Variants in PDE4DIP observed in about 807,000 individuals in gnomAD.
The protein encoded by PDE4DIP is phosphodiesterase 4D interacting protein.
PDE4DIP carries 59 observed loss-of-function variants against 221.4 expected under a neutral mutation model. The observed-to-expected ratio is 0.27, with a 90% CI of 0.22 to 0.33. The LOEUF (loss-of-function observed/expected upper bound fraction) is 0.33. Among genes scored for constraint, PDE4DIP ranks in the 10% least tolerant of loss-of-function variants. The pLI is 1.00. For missense variants in PDE4DIP, 1,036 were observed against 2,154.2 expected, an observed-to-expected ratio of 0.48 and a Z score of 10.28; for synonymous variants, 404 against 815.9, an observed-to-expected ratio of 0.50 and a Z score of 8.60.
intron 37 of PDE4DIP, chr1:149,021,731 C>T (rs1439882891): frequency 6.8e-6 from 1 of 146,764 alleles, no homozygotes; most frequent in Non-Finnish European, 1.5e-5. Context: ...GACCAGCCTG[C>T]CCACAGGAGA....
At chr1:149,001,796 A>G in exon 24 of PDE4DIP, 1 of 1,453,622 alleles carries the variant, frequency 6.9e-7, no homozygotes. Flanking sequence ...TGCCCACAAT[A>G]TCATCAACCT....
exon 21 of PDE4DIP, chr1:148,981,372 G>C (rs1553542887): frequency 1.2e-6 from 2 of 1,614,062 alleles, no homozygotes; most frequent in African/African-American, 2.7e-5. Flanking sequence ...GCTTAAACAG[G>C]CTGGAGACCC....
intron 17 of PDE4DIP, among the ~76,000 whole-genome samples, chr1:148,976,024 A>G (rs1230302597): frequency 1.3e-5 from 2 of 151,558 alleles, no homozygotes; most frequent in African/African-American, 4.8e-5. Context: ...TACCAGTTTT[A>G]AAAATCCCCT....
At position 149,032,216 on chromosome 1, in the gene PDE4DIP, A is replaced by C. The variant is rs200393198; in HGVS notation, c.*231A>C. ...GACGGCTATGGAATACGATTAGCCA[A>C]GGTCCACTTGGCCCAGCACTAAGAA... On this transcript the variant is annotated 3_prime_UTR_variant, in exon 44 of 44. Transcript: ENST00000369354. The C allele has an allele frequency of 1.3e-3, 972 of 725,190 alleles. 15 individuals carry two copies. In the East Asian group the frequency reaches 0.024, roughly 18 times the overall value. 44.9% of individuals were successfully genotyped at this position (725,190 alleles called of 1,614,324 possible). A position where few individuals can be genotyped will look rare whatever the true frequency, so the allele number is the denominator to read the frequency against.
At chr1:148,963,748 C>G (rs1400413239) in intron 9 of PDE4DIP, among the ~76,000 whole-genome samples, 1 of 89,098 alleles carries the variant, frequency 1.1e-5, no homozygotes, top group Non-Finnish European at 2.1e-5. Flanking sequence ...TTCTTTCCTT[C>G]TTTTTTTTTT....
At position 149,021,326 on chromosome 1, in the gene PDE4DIP, G is replaced by T; in HGVS notation, c.6085+173G>T. 6.6e-6 allele frequency: 4 copies of T among 606,316 alleles called. No individual in the cohort carries two copies. In the South Asian group the frequency reaches 1.0e-4, roughly 15 times the overall value. The allele number at this position is 606,316 out of a possible 1,614,324, so 37.6% of individuals were successfully genotyped here. A position where few individuals can be genotyped will look rare whatever the true frequency, so the allele number is the denominator to read the frequency against. ...AGCTCTCAAACACAAAGCCCAACGG[G>T]ACAGGTTGGTGGCACGAGCAAGATC... On this transcript the variant is annotated intron_variant, in intron 37 of 43. Coordinates refer to ENST00000369354, the Ensembl canonical transcript of PDE4DIP.
exon 31 of PDE4DIP, chr1:149,010,595 G>A (rs1294087486): frequency 2.5e-6 from 4 of 1,613,490 alleles, no homozygotes; most frequent in African/African-American, 1.3e-5. Flanking sequence ...GGCCCATTCA[G>A]GTATGCAACA....
intron 41 of PDE4DIP, among the ~76,000 whole-genome samples, chr1:149,029,217 G>A (rs1428017697): frequency 1.3e-5 from 2 of 152,196 alleles, no homozygotes; most frequent in Non-Finnish European, 2.9e-5. Context: ...GATCTGCTCA[G>A]AGCTCAGGCT....
chr1:148,992,354 G>A lies in PDE4DIP; in HGVS notation c.2904+381G>A, dbSNP rs587609491. 437 of 1,543,776 alleles carry A rather than the reference G, an allele frequency of 2.8e-4. 1 individual carries two copies. The African/African-American group carries it at 5.1e-3, about 18-fold the overall frequency. On this transcript the variant is annotated intron_variant, in intron 22 of 43. Transcript: ENST00000369354. ...CCACAGAAGACAGGGAGTCATCGAAGGGCTGCTCGGGGAGGTGGCAGGGCG... is the reference window on the plus strand; with the variant it reads ...CCACAGAAGACAGGGAGTCATCGAAAGGCTGCTCGGGGAGGTGGCAGGGCG...
intron 5 of PDE4DIP, among the ~76,000 whole-genome samples, chr1:148,950,751 C>A (rs587657249): frequency 1.8e-4 from 28 of 151,502 alleles, no homozygotes; most frequent in Middle Eastern, 6.8e-3. Context: ...CTGCCCCCCC[C>A]ACCGCCCCAA....
chr1:148,994,695 A>C (rs1282839061), intron 22 of PDE4DIP, among the ~76,000 whole-genome samples: 13 of 151,834 alleles, frequency 8.6e-5, no homozygotes, highest in African/African-American at 3.1e-4. Context: ...ATTTACTCTT[A>C]TTTTGAAATA....
rs782199862 is a variant in PDE4DIP at position 149,028,660 on chromosome 1, C to T, written c.6770C>T (p.Ala2257Val). The T allele has an allele frequency of 6.6e-5, 106 of 1,600,106 alleles. 2 individuals carry two copies. The highest frequency in any genetic ancestry group is 2.3e-4 in the Middle Eastern group (1 of 4,390). ...TCCCTCCTCACCATGTTCTGGAGAG[C>T]GGCCCTGCCAAGCACCCACATCCCT... Residue 2257 changes from alanine to valine, a missense_variant, in exon 41 of 44, where the codon GCG becomes GTG. Ala to Val is a moderately conservative substitution (Grantham distance 64). Transcript: ENST00000369354.
intron 41 of PDE4DIP, among the ~76,000 whole-genome samples, chr1:149,029,047 T>G (rs1231470430): frequency 3.9e-5 from 6 of 152,202 alleles, no homozygotes; most frequent in African/African-American, 1.4e-4. Flanking sequence ...GAAATTCAGT[T>G]AAAGCTTCAG....
At chr1:149,028,341 A>AG (rs1415205312) in intron 40 of PDE4DIP, among the ~76,000 whole-genome samples, 2 of 148,652 alleles carry the variant, frequency 1.3e-5, no homozygotes, top group African/African-American at 2.5e-5. Flanking sequence ...GGACATAGCA[A>AG]GGGGGGTGAG....
chr1:148,978,021 A>G (rs782061232), exon 18 of PDE4DIP: 2 of 1,614,048 alleles, frequency 1.2e-6, no homozygotes, highest in Non-Finnish European at 8.5e-7. Context: ...GTCTCTGACC[A>G]GGAACATACA....
chr1:149,013,335 C>T (rs1171959035), intron 32 of PDE4DIP, among the ~76,000 whole-genome samples: 16 of 119,864 alleles, frequency 1.3e-4, no homozygotes, highest in African/African-American at 4.6e-4. Context: ...ACAGGTGACA[C>T]GTAGGCAGCT....
intron 35 of PDE4DIP, chr1:149,019,479 T>A (rs1553615587): frequency 6.6e-6 from 1 of 152,048 alleles, no homozygotes; most frequent in African/African-American, 2.4e-5. Flanking sequence ...AATTAATTGA[T>A]TTCTGTATTA....
At chr1:148,983,964 A>G (rs868980220) in intron 21 of PDE4DIP, 4 of 152,114 alleles carry the variant, frequency 2.6e-5, no homozygotes, top group African/African-American at 9.6e-5. Context: ...AGTTCAGGGT[A>G]GATGAAGTCT....
At chr1:148,963,840 G>A (rs1160820795) in intron 9 of PDE4DIP, among the ~76,000 whole-genome samples, 4 of 117,436 alleles carry the variant, frequency 3.4e-5, no homozygotes, top group Non-Finnish European at 6.5e-5. Context: ...TGCAAGCTCC[G>A]CCTCTCGGGT....
Sources: gnomAD v4.1 joint callset for allele counts (sites outside exome capture counted in the v4.1 genomes callset) on GRCh38, gnomAD v4.1.1 for gene constraint, MANE v1.5 for transcripts, NCBI Gene and HGNC (gene_info 2026-07-23, HGNC 2026-07-21) for gene names.